Variants in RBFOX1 observed in about 807,000 individuals in gnomAD.
RBFOX1 encodes the protein RNA binding fox-1 homolog 1, also known as RNA binding protein fox-1 homolog 1.
Under a neutral mutation model 57.7 loss-of-function variants are expected in RBFOX1, and 8 were observed. That is an observed-to-expected ratio of 0.14 (90% CI 0.08 to 0.25). RBFOX1 has a LOEUF of 0.25. RBFOX1 is among the 10% of genes least tolerant of loss of function. The pLI is 1.00. For missense variants in RBFOX1, 611 were observed against 548.5 expected (o/e 1.11, Z -1.14); for synonymous variants, 326 against 222.4 (o/e 1.47, Z -4.15).
rs2044753623 is a variant in RBFOX1 at position 5,537,672 on chromosome 16, C to T, written c.259-61230C>T. The stretch of plus-strand genomic sequence containing the variant: ...TCCTTGGCTAGTAACCTCCTGCCTC[C>T]ATCTTCAAAGCCAATGATGGCTGGT... On this transcript the variant is annotated intron_variant, in intron 2 of 2. Coordinates refer to the RBFOX1 transcript ENST00000585867. Among the ~76,000 whole-genome samples the T allele has an allele frequency of 2.0e-5, 3 of 152,316 alleles. No individual in the cohort carries two copies. In the South Asian group the frequency reaches 6.2e-4, roughly 32 times the overall value.
At chr16:6,704,269 C>T (rs1402239026) in intron 3 of RBFOX1, 1 of 152,194 alleles carries the variant, frequency 6.6e-6, no homozygotes, top group East Asian at 1.9e-4. Context: ...ACAGCCAGTC[C>T]CTGCTCCACA....
intron 3 of RBFOX1, among the ~76,000 whole-genome samples, chr16:5,657,139 T>G (rs1455508503): frequency 1.3e-5 from 2 of 152,176 alleles, no homozygotes; most frequent in Non-Finnish European, 1.5e-5. Flanking sequence ...ATATATGTGG[T>G]ATACATCTCT....
At chr16:7,676,708 T>C in intron 13 of RBFOX1, 66 bp from the exon 14 acceptor site, 1 of 1,377,520 alleles carries the variant, frequency 7.3e-7, no homozygotes, top group Non-Finnish European at 1.0e-6. Context: ...GGTGTGGTCT[T>C]GCCACTGGGC....
intron 4 of RBFOX1, among the ~76,000 whole-genome samples, chr16:5,975,833 C>T (rs529470468): frequency 3.9e-5 from 6 of 152,264 alleles, no homozygotes; most frequent in African/African-American, 1.4e-4. Flanking sequence ...AGTAATAACT[C>T]AGTCAAAATA....
intron 2 of RBFOX1, among the ~76,000 whole-genome samples, chr16:6,319,041 A>G (rs1391617496): frequency 6.6e-6 from 1 of 152,010 alleles, no homozygotes; most frequent in African/African-American, 2.4e-5. Context: ...AGATGATTTG[A>G]CATCTAAGCT....
chr16:5,672,166 A>G (rs1596682919), intron 3 of RBFOX1, among the ~76,000 whole-genome samples: 1 of 152,172 alleles, frequency 6.6e-6, no homozygotes, highest in Admixed American at 6.5e-5. Context: ...GTAGAATGGC[A>G]GGGATGGAAG....
At chr16:6,551,725 G>C (rs1197564948) in intron 2 of RBFOX1, among the ~76,000 whole-genome samples, 1 of 152,160 alleles carries the variant, frequency 6.6e-6, no homozygotes, top group African/African-American at 2.4e-5. Flanking sequence ...ATGTATCCAT[G>C]TCTGATGATT....
intron 13 of RBFOX1, chr16:7,671,478 G>GGA: frequency 7.5e-7 from 1 of 1,341,428 alleles, no homozygotes; most frequent in Non-Finnish European, 1.1e-6. Context: ...GAATTGCTCT[G>GGA]GAATTTGTCT....
intron 3 of RBFOX1, among the ~76,000 whole-genome samples, chr16:5,640,274 C>T (rs187125333): frequency 5.3e-5 from 8 of 152,266 alleles, no homozygotes; most frequent in East Asian, 1.9e-4. Flanking sequence ...CTTTAGCCAT[C>T]GGTCTGAAAG....
chr16:6,490,646 T>C (rs2095611509), intron 2 of RBFOX1, among the ~76,000 whole-genome samples: 1 of 152,186 alleles, frequency 6.6e-6, no homozygotes, highest in South Asian at 2.1e-4. Context: ...CAGATTTTTT[T>C]ATACAAGAAA....
upstream of RBFOX1, among the ~76,000 whole-genome samples, chr16:6,015,643 T>A (rs1214257802): frequency 1.3e-5 from 2 of 152,234 alleles, no homozygotes; most frequent in Non-Finnish European, 2.9e-5. Flanking sequence ...GAAGGAGCTA[T>A]GCTGTTTTGC....
At chr16:6,549,731 G>A (rs1340655558) in intron 2 of RBFOX1, among the ~76,000 whole-genome samples, 8 of 152,094 alleles carry the variant, frequency 5.3e-5, no homozygotes, top group Non-Finnish European at 1.0e-4. Flanking sequence ...GACCTACAGA[G>A]TAAGGTAAGA....
At chr16:7,421,506 A>G (rs1306671510) in intron 4 of RBFOX1, among the ~76,000 whole-genome samples, 2 of 152,214 alleles carry the variant, frequency 1.3e-5, no homozygotes, top group Admixed American at 6.5e-5. Context: ...TTTCCCAGGC[A>G]CAGCCAGGTT....
chr16:5,823,868 A>G lies in RBFOX1; in HGVS notation c.319-43435A>G, dbSNP rs563971971. ...AAGTTGTATAATTATTTTATTATAT[A>G]TTACAAAGTAATAATATAAATGAAG... On this transcript the variant is annotated intron_variant, in intron 3 of 19. Transcript: ENST00000641259. Among the ~76,000 whole-genome samples the G allele has an allele frequency of 3.9e-5, 6 of 152,322 alleles. No individual in the cohort carries two copies. The East Asian group carries it at 7.7e-4, about 20-fold the overall frequency.
intron 3 of RBFOX1, among the ~76,000 whole-genome samples, chr16:5,847,614 C>T (rs2056790990): frequency 6.6e-6 from 1 of 152,060 alleles, no homozygotes; most frequent in Non-Finnish European, 1.5e-5. Context: ...ACGTTTATTC[C>T]TTCATTAGTT....
intron 3 of RBFOX1, among the ~76,000 whole-genome samples, chr16:6,843,980 T>C (rs1450169617): frequency 6.6e-6 from 1 of 152,136 alleles, no homozygotes; most frequent in Non-Finnish European, 1.5e-5. Flanking sequence ...TGTGTACAAT[T>C]CACTATTAAC....
intron 3 of RBFOX1, among the ~76,000 whole-genome samples, chr16:5,685,653 A>C (rs1206859660): frequency 6.6e-6 from 1 of 152,182 alleles, no homozygotes; most frequent in Non-Finnish European, 1.5e-5. Context: ...TGAAAAGGTG[A>C]GCTGTTGGCT....
At chr16:7,316,839 A>G (rs2096450668) in intron 4 of RBFOX1, among the ~76,000 whole-genome samples, 1 of 151,970 alleles carries the variant, frequency 6.6e-6, no homozygotes, top group Non-Finnish European at 1.5e-5. Context: ...AGATGCTGGA[A>G]AAACAAAGGG....
chr16:5,510,600 G>A (rs961007459), intron 2 of RBFOX1, among the ~76,000 whole-genome samples: 9 of 152,120 alleles, frequency 5.9e-5, no homozygotes, highest in African/African-American at 2.2e-4. Context: ...GGGCTTAGGG[G>A]GAGATGAAAA....
Sources: allele counts gnomAD v4.1 joint callset (sites outside exome capture counted in the v4.1 genomes callset), GRCh38; gene constraint gnomAD v4.1.1; transcripts MANE v1.5; gene names NCBI Gene and HGNC (gene_info 2026-07-23, HGNC 2026-07-21).